The following COL25A1 variants were observed in gnomAD, a reference collection of about 807,000 sequenced individuals.
The protein encoded by COL25A1 is collagen type XXV alpha 1 chain.
COL25A1 carries 103 observed loss-of-function variants against 128.4 expected under a neutral mutation model. The ratio of observed to expected loss-of-function variants is 0.80; its 90% CI spans 0.68 to 0.94. The LOEUF (loss-of-function observed/expected upper bound fraction) is 0.94, where lower values mean the gene tolerates loss of function less well. Among genes scored for constraint, COL25A1 ranks in the 40% least tolerant of loss-of-function variants. The pLI, the probability that COL25A1 is intolerant of heterozygous loss-of-function variation, is 0.00. For missense variants in COL25A1, 745 were observed against 840.0 expected (o/e 0.89, Z 1.40); for synonymous variants, 279 against 277.2 (o/e 1.01, Z -0.06).
intron 35 of COL25A1, among the ~76,000 whole-genome samples, chr4:108,820,914 G>C (rs1731713568): frequency 6.6e-6 from 1 of 152,138 alleles, no homozygotes; most frequent in South Asian, 2.1e-4. Flanking sequence ...GGAGTAGGAA[G>C]GAATGCACCT....
chr4:109,277,091 T>A (rs1722921721), intron 3 of COL25A1, among the ~76,000 whole-genome samples: 1 of 152,338 alleles, frequency 6.6e-6, no homozygotes, highest in South Asian at 2.1e-4. Context: ...AAATACTGCA[T>A]GCATGATTCA....
At chr4:109,069,802 G>A (rs1302405746) in intron 3 of COL25A1, among the ~76,000 whole-genome samples, 1 of 152,014 alleles carries the variant, frequency 6.6e-6, no homozygotes, top group African/African-American at 2.4e-5. Flanking sequence ...CAGGAAATGT[G>A]GAAGCTGCTG....
chr4:109,222,095 C>G lies in COL25A1; in HGVS notation c.367+78488G>C, dbSNP rs891917585. 3.5e-5 allele frequency among the ~76,000 whole-genome samples: 4 copies of G among 113,494 alleles called. No homozygotes were observed. The Admixed American group carries it at 4.7e-4, about 13-fold the overall frequency. 74.5% of individuals were successfully genotyped at this position (113,494 alleles called of 152,430 possible). A position where few individuals can be genotyped will look rare whatever the true frequency, so the allele number is the denominator to read the frequency against. On this transcript the variant is annotated intron_variant, in intron 3 of 37. Transcript: ENST00000399132. ...TTTTTTTTTTTTTGAGATGGAGTCT[C>G]TCTCTGTCACCAGGCTGGAGTGCAA...
intron 19 of COL25A1, among the ~76,000 whole-genome samples, chr4:108,874,084 T>C (rs1739141173): frequency 6.6e-6 from 1 of 152,162 alleles, no homozygotes; most frequent in East Asian, 1.9e-4. Flanking sequence ...TCCCAATTAG[T>C]CACAATTTCT....
At chr4:108,942,899 G>A (rs1748302178) in intron 8 of COL25A1, among the ~76,000 whole-genome samples, 1 of 150,706 alleles carries the variant, frequency 6.6e-6, no homozygotes, top group Non-Finnish European at 1.5e-5. Flanking sequence ...GGGATTACAG[G>A]TGTGCACCAC....
intron 18 of COL25A1, 50 bp downstream of exon 18, chr4:108,889,171 A>G (rs760639814): frequency 2.0e-6 from 3 of 1,490,484 alleles, no homozygotes; most frequent in Admixed American, 1.7e-5. Context: ...TGGTAGATAT[A>G]AAATGGTGAA....
chr4:108,982,707 G>A (rs961337200), intron 6 of COL25A1, among the ~76,000 whole-genome samples: 1 of 152,136 alleles, frequency 6.6e-6, no homozygotes. Context: ...ACCAAGCAGA[G>A]GGGGTGGGTA....
chr4:109,173,337 C>T (rs1234664109), intron 3 of COL25A1, among the ~76,000 whole-genome samples: 1 of 152,152 alleles, frequency 6.6e-6, no homozygotes, highest in Non-Finnish European at 1.5e-5. Context: ...ATGCTCCAGC[C>T]TCAGCCTCCC....
intron 3 of COL25A1, among the ~76,000 whole-genome samples, chr4:109,054,401 T>C (rs1315839812): frequency 1.3e-5 from 2 of 152,222 alleles, no homozygotes; most frequent in Admixed American, 1.3e-4. Flanking sequence ...ATTGTGAGGA[T>C]GAAACTGTAA....
At chr4:108,979,657 T>C (rs1273248902) in intron 6 of COL25A1, among the ~76,000 whole-genome samples, 1 of 152,224 alleles carries the variant, frequency 6.6e-6, no homozygotes, top group Non-Finnish European at 1.5e-5. Context: ...CAGGAAAGAA[T>C]AGATAAGTTT....
At chr4:108,902,701 C>T (rs1325887688) in intron 13 of COL25A1, among the ~76,000 whole-genome samples, 2 of 151,894 alleles carry the variant, frequency 1.3e-5, no homozygotes, top group Admixed American at 1.3e-4. Context: ...GTCTTAACCT[C>T]CTGGAAAAAA....
At chr4:109,196,526 A>G (rs1776060837) in intron 3 of COL25A1, among the ~76,000 whole-genome samples, 1 of 152,174 alleles carries the variant, frequency 6.6e-6, no homozygotes. Context: ...ATGTATCCTC[A>G]ACTATATCTC....
intron 3 of COL25A1, among the ~76,000 whole-genome samples, chr4:109,178,553 G>A (rs1270178712): frequency 1.3e-5 from 2 of 152,214 alleles, no homozygotes; most frequent in South Asian, 2.1e-4. Flanking sequence ...AGCCAGGCAC[G>A]GTGGCTCACG....
intron 24 of COL25A1, among the ~76,000 whole-genome samples, chr4:108,853,354 T>C (rs1736041763): frequency 6.7e-6 from 1 of 149,538 alleles, no homozygotes; most frequent in Non-Finnish European, 1.5e-5. Flanking sequence ...GCTCATTTGT[T>C]GCATTAAAAC....
At chr4:108,920,515 T>G in intron 12 of COL25A1, 63 bp downstream of exon 12, 2 of 1,299,492 alleles carry the variant, frequency 1.5e-6, no homozygotes, top group Non-Finnish European at 2.2e-6. Context: ...CATTCACCTC[T>G]CCTGCTTGCC....
chr4:109,285,101 A>G (rs983695919), intron 3 of COL25A1, among the ~76,000 whole-genome samples: 1 of 152,138 alleles, frequency 6.6e-6, no homozygotes, highest in African/African-American at 2.4e-5. Context: ...CAGTTGCACA[A>G]ATTTAAGAAA....
rs773947674 is a variant in COL25A1 at position 108,852,903 on chromosome 4, G to A, written c.1343C>T (p.Thr448Met). The change falls in exon 25 of 38, where the codon ACG becomes ATG. Residue 448 changes from threonine (T) to methionine (M), a missense_variant and splice_region_variant. This residue lies in a region of COL25A1 where 387 missense variants were observed against 441.9 expected (regional missense o/e 0.88). Transcript: ENST00000399132. Reference sequence around the variant, plus strand: ...CAGAAAGCATGCAATAGGAGTTACCGTGACAGTTAAGGTGGTAATCCTCTG... The same window carrying A: ...CAGAAAGCATGCAATAGGAGTTACCATGACAGTTAAGGTGGTAATCCTCTG... Reference protein sequence around the residue: ...ALQRITTLTVTGPPGPPGPQG... With the variant: ...ALQRITTLTVMGPPGPPGPQG... 2.9e-5 allele frequency: 47 copies of A among 1,610,348 alleles called. No homozygotes were observed. In the South Asian group the frequency reaches 3.2e-4, roughly 11 times the overall value.
chr4:109,109,009 C>T (rs989212614), intron 3 of COL25A1, among the ~76,000 whole-genome samples: 7 of 152,228 alleles, frequency 4.6e-5, no homozygotes, highest in African/African-American at 1.7e-4. Flanking sequence ...AAGAAAACTC[C>T]AAAATACTTT....
intron 3 of COL25A1, among the ~76,000 whole-genome samples, chr4:109,107,332 A>G (rs1225461916): frequency 5.3e-5 from 8 of 152,214 alleles, no homozygotes; most frequent in Admixed American, 5.2e-4. Flanking sequence ...GTTATTTTCC[A>G]CAAAATCTGT....
Sources: allele counts gnomAD v4.1 joint callset (sites outside exome capture counted in the v4.1 genomes callset), GRCh38; gene constraint gnomAD v4.1.1; regional missense constraint gnomAD v4.1.1; transcripts MANE v1.5; gene names NCBI Gene and HGNC (gene_info 2026-07-23, HGNC 2026-07-21).